Variants in SETDB1 observed in about 807,000 individuals in gnomAD.
The protein encoded by SETDB1 is histone-lysine N-methyltransferase SETDB1.
Under a neutral mutation model 137.4 loss-of-function variants are expected in SETDB1, and 31 were observed. The observed-to-expected ratio is 0.23, with a 90% CI of 0.17 to 0.30. The LOEUF (loss-of-function observed/expected upper bound fraction) is 0.30. SETDB1 is among the 10% of genes least tolerant of loss of function. SETDB1 has a pLI of 1.00. For synonymous variants in SETDB1, 548 were observed against 579.9 expected (o/e 0.95, Z 0.79); for missense variants, 1,113 against 1,631.5 (o/e 0.68, Z 5.47).
intron 3 of SETDB1, 52 bp downstream of exon 3, chr1:150,930,170 G>A (rs1669679399): frequency 6.9e-7 from 1 of 1,445,688 alleles, no homozygotes; most frequent in South Asian, 1.2e-5. Flanking sequence ...TTGAAACACT[G>A]GAAGATGAGC....
At chr1:150,960,058 A>G (rs1327897000) in intron 15 of SETDB1, among the ~76,000 whole-genome samples, 3 of 141,636 alleles carry the variant, frequency 2.1e-5, no homozygotes, top group Non-Finnish European at 4.7e-5. Context: ...GGGTGACAAA[A>G]GCGAAACTCT....
chr1:150,947,064 G>A, intron 10 of SETDB1, 52 bp downstream of exon 10: 3 of 1,607,326 alleles, frequency 1.9e-6, no homozygotes, highest in Non-Finnish European at 2.6e-6. Context: ...AACCAGCAAA[G>A]GAGATTATAT....
Position 150,934,539 on chromosome 1 carries a change from T to G in SETDB1, c.412+4421T>G, listed in dbSNP as rs587711628. ...CTTCTACTTTCACTCTCTTCCTGTG[T>G]GATACTATTGTCAAATATATTATAG... On this transcript the variant is annotated intron_variant, in intron 3 of 21. Transcript: ENST00000692827. 5.0e-3 allele frequency among the ~76,000 whole-genome samples: 766 copies of G among 152,320 alleles called. 10 individuals are homozygous for G. The highest frequency in any genetic ancestry group is 0.02 in the Middle Eastern group (6 of 294).
chr1:150,950,005 G>A (rs891155769), intron 12 of SETDB1, among the ~76,000 whole-genome samples: 4 of 152,094 alleles, frequency 2.6e-5, no homozygotes, highest in South Asian at 2.1e-4. Context: ...AGGCCGAGGC[G>A]GGTGGATCAC....
At chr1:150,956,744 T>A (rs1670653043) in intron 14 of SETDB1, among the ~76,000 whole-genome samples, 1 of 151,404 alleles carries the variant, frequency 6.6e-6, no homozygotes, top group Non-Finnish European at 1.5e-5. Context: ...AGGGAAATAA[T>A]CTCTTTTTTT....
At chr1:150,963,176 TAGTA>T (rs761437452) in intron 19 of SETDB1, 37 bp downstream of exon 19, 9 of 1,585,502 alleles carry the variant, frequency 5.7e-6, no homozygotes, top group South Asian at 1.1e-5. Flanking sequence ...TGGGAAGAAA[TAGTA>T]AGAAACTTGG....
At position 150,963,939 on chromosome 1, in the gene SETDB1, G is replaced by C; in HGVS notation, c.3673-56G>C. 8.5e-6 allele frequency: 13 copies of C among 1,534,356 alleles called. No individual in the cohort carries two copies. In the Admixed American group the frequency reaches 2.0e-4, roughly 24 times the overall value. On this transcript the variant is annotated intron_variant, in intron 20 of 21. Coordinates refer to ENST00000692827, the MANE Select transcript of SETDB1 (RefSeq NM_001366418.1). ...TTTTCTTCCAACTCTCACTCTCCCT[G>C]CAAAGCCAGGTTCAGTTTCCCTGGT...
chr1:150,962,667 C>G lies in SETDB1; in HGVS notation c.3242C>G (p.Thr1081Ser), dbSNP rs587603842. The G allele has an allele frequency of 3.7e-6, 6 of 1,614,034 alleles. No individual in the cohort carries two copies. The East Asian group carries it at 1.3e-4, about 36-fold the overall frequency. Residue 1081 changes from threonine to serine, a missense_variant, in exon 18 of 22, where the codon ACT (threonine) becomes AGT (serine). Transcript: ENST00000692827. ...GGACTTCGCCGCCCACCTAGTAAGACTAGTATGCATCAAAGCCGAAGACTC... is the reference window on the plus strand; with the variant it reads ...GGACTTCGCCGCCCACCTAGTAAGAGTAGTATGCATCAAAGCCGAAGACTC... ...PEGLRRPPSKTSMHQSRRLMA... is the reference protein window; with the variant it reads ...PEGLRRPPSKSSMHQSRRLMA...
chr1:150,946,714 C>T (rs1670343179), intron 9 of SETDB1, among the ~76,000 whole-genome samples, 172 bp from the exon 10 acceptor site: 1 of 152,198 alleles, frequency 6.6e-6, no homozygotes, highest in African/African-American at 2.4e-5. Flanking sequence ...TCCCAAAGTG[C>T]TGGGATTACA....
chr1:150,958,096 G>A (rs1316481972), intron 14 of SETDB1, among the ~76,000 whole-genome samples: 1 of 151,014 alleles, frequency 6.6e-6, no homozygotes, highest in Non-Finnish European at 1.5e-5. Context: ...TGAGGCAGGA[G>A]AATCACTTGA....
chr1:150,959,411 A>G, intron 15 of SETDB1, 64 bp downstream of exon 15: 1 of 1,339,574 alleles, frequency 7.5e-7, no homozygotes, highest in Non-Finnish European at 1.0e-6. Flanking sequence ...TGAACCAGAG[A>G]CAAATTGAAC....
chr1:150,959,486 G>A (rs1571660351), intron 15 of SETDB1, 139 bp downstream of exon 15: 1 of 676,942 alleles, frequency 1.5e-6, no homozygotes, highest in East Asian at 2.7e-5. Context: ...TACAAAGAAC[G>A]TGATGAGTGA....
chr1:150,950,015 C>T (rs778838115), intron 12 of SETDB1, among the ~76,000 whole-genome samples: 2 of 152,110 alleles, frequency 1.3e-5, no homozygotes, highest in Non-Finnish European at 1.5e-5. Flanking sequence ...GGGTGGATCA[C>T]CTGAGGTCGG....
intron 3 of SETDB1, among the ~76,000 whole-genome samples, chr1:150,932,205 G>A (rs1361894094): frequency 6.6e-6 from 1 of 151,330 alleles, no homozygotes; most frequent in African/African-American, 2.4e-5. Context: ...GGGCAACATG[G>A]TGAAACCCCT....
At chr1:150,962,010 A>G in intron 16 of SETDB1, 120 bp from the exon 17 acceptor site, 1 of 1,202,572 alleles carries the variant, frequency 8.3e-7, no homozygotes, top group East Asian at 2.3e-5. Context: ...TACCCACCCC[A>G]CTTTAGAATG....
At chr1:150,946,734 C>T (rs191233895) in intron 9 of SETDB1, 152 bp from the exon 10 acceptor site, 11 of 798,764 alleles carry the variant, frequency 1.4e-5, no homozygotes, top group Admixed American at 8.1e-5. Context: ...AAGCTACAGG[C>T]GTGAGCCACT....
At chr1:150,954,774 G>A (rs1670593865) in intron 14 of SETDB1, among the ~76,000 whole-genome samples, 1 of 152,200 alleles carries the variant, frequency 6.6e-6, no homozygotes, top group Non-Finnish European at 1.5e-5. Flanking sequence ...TATCAATTTG[G>A]TGTTACAGTA....
At chr1:150,934,823 AT>A (rs1377339147) in intron 3 of SETDB1, among the ~76,000 whole-genome samples, 1,563 of 142,318 alleles carry the variant, frequency 0.011, 18 homozygotes, top group African/African-American at 0.033. Flanking sequence ...AGGATATAGA[AT>A]TTTTTTTTTT....
At chr1:150,939,841 T>C in intron 3 of SETDB1, 99 bp from the exon 4 acceptor site, 1 of 770,314 alleles carries the variant, frequency 1.3e-6, no homozygotes, top group Non-Finnish European at 2.2e-6. Context: ...TTGTTGATAA[T>C]GCTCCCATAA....
Sources: allele counts gnomAD v4.1 joint callset (sites outside exome capture counted in the v4.1 genomes callset), GRCh38; gene constraint gnomAD v4.1.1; transcripts MANE v1.5; gene names NCBI Gene and HGNC (gene_info 2026-07-23, HGNC 2026-07-21).